Variants in PRELID2 observed in about 807,000 individuals in gnomAD.
PRELID2 encodes the protein PRELI domain-containing protein 2.
A neutral mutation model predicts 28.4 loss-of-function variants in PRELID2; 25 were observed. That is an observed-to-expected ratio of 0.88 (90% CI 0.64 to 1.23). PRELID2 has a LOEUF of 1.23. Among genes scored for constraint, PRELID2 ranks in the 50% most tolerant of loss-of-function variants. The pLI, the probability that PRELID2 is intolerant of heterozygous loss-of-function variation, is 0.00. For missense variants in PRELID2, 201 were observed against 214.4 expected, an observed-to-expected ratio of 0.94 and a Z score of 0.39; for synonymous variants, 76 against 71.6, an observed-to-expected ratio of 1.06 and a Z score of -0.31.
intron 4 of PRELID2, among the ~76,000 whole-genome samples, chr5:145,811,613 C>G (rs563855058): frequency 3.3e-5 from 5 of 152,286 alleles, no homozygotes; most frequent in African/African-American, 1.2e-4. Context: ...CAGATGCCTA[C>G]TCAGTTACTG....
intron 5 of PRELID2, among the ~76,000 whole-genome samples, chr5:145,777,976 G>C (rs1368525182): frequency 1.3e-5 from 2 of 152,184 alleles, no homozygotes; most frequent in African/African-American, 2.4e-5. Context: ...CAGGTTCCTG[G>C]ACGGAAGGGA....
intron 1 of PRELID2, among the ~76,000 whole-genome samples, chr5:145,600,426 A>AT (rs1215331849): frequency 5.5e-4 from 64 of 116,688 alleles, no homozygotes; most frequent in South Asian, 7.2e-4. Context: ...GGGGGAAAAA[A>AT]AAAAAAAAAT....
At chr5:145,745,610 C>T (rs1365845448) in intron 1 of PRELID2, among the ~76,000 whole-genome samples, 1 of 152,046 alleles carries the variant, frequency 6.6e-6, no homozygotes, top group Non-Finnish European at 1.5e-5. Flanking sequence ...GTCTGTAATC[C>T]CAGCACTTTG....
At chr5:145,359,844 T>A in the PRELID2 span, among the ~76,000 whole-genome samples, 2 of 152,318 alleles carry the variant, frequency 1.3e-5, no homozygotes, top group African/African-American at 4.8e-5. Context: ...AACACTCTAC[T>A]ACCAAGCCCT....
chr5:145,543,415 T>C (rs1292426284), intron 1 of PRELID2, among the ~76,000 whole-genome samples: 1 of 152,160 alleles, frequency 6.6e-6, no homozygotes, highest in East Asian at 1.9e-4. Context: ...CAATATATTA[T>C]ACATGGATTT....
At chr5:145,412,308 A>G in the PRELID2 span, among the ~76,000 whole-genome samples, 5 of 152,152 alleles carry the variant, frequency 3.3e-5, no homozygotes, top group African/African-American at 1.2e-4. Context: ...AAATTCTTTT[A>G]CCAGATACCC....
chr5:145,764,836 G>T, intron 6 of PRELID2, 95 bp downstream of exon 6: 3 of 827,316 alleles, frequency 3.6e-6, no homozygotes, highest in Non-Finnish European at 6.2e-6. Context: ...AATGTGCAGC[G>T]TGAATAGCCC....
At chr5:145,326,402 T>C in the PRELID2 span, among the ~76,000 whole-genome samples, 4 of 152,164 alleles carry the variant, frequency 2.6e-5, no homozygotes, top group Admixed American at 2.6e-4. Context: ...AAGCTGATAC[T>C]AGAATTCATA....
At chr5:145,269,736 T>C in the PRELID2 span, among the ~76,000 whole-genome samples, 1 of 149,990 alleles carries the variant, frequency 6.7e-6, no homozygotes, top group Admixed American at 6.7e-5. Context: ...TGTATATATA[T>C]AATTAATTTA....
chr5:145,250,710 T>C, the PRELID2 span, among the ~76,000 whole-genome samples: 22 of 152,204 alleles, frequency 1.4e-4, no homozygotes, highest in Admixed American at 1.3e-4. Context: ...GGTAATGACA[T>C]TGGGATATTT....
chr5:145,376,986 T>C, the PRELID2 span, among the ~76,000 whole-genome samples: 2 of 152,104 alleles, frequency 1.3e-5, no homozygotes, highest in Admixed American at 6.6e-5. Context: ...ATTAGGTTGT[T>C]AATGTGAGAT....
chr5:145,703,037 A>G (rs1256252823), intron 1 of PRELID2, among the ~76,000 whole-genome samples: 1 of 152,212 alleles, frequency 6.6e-6, no homozygotes. Flanking sequence ...TAGACATGCA[A>G]ACAGAAAGCT....
At chr5:145,552,425 C>G (rs1223890378) in intron 1 of PRELID2, among the ~76,000 whole-genome samples, 1 of 152,018 alleles carries the variant, frequency 6.6e-6, no homozygotes, top group Non-Finnish European at 1.5e-5. Flanking sequence ...CTACAGTTGA[C>G]TTTTAGGGAT....
chr5:145,808,883 CA>C (rs946167285), intron 4 of PRELID2, among the ~76,000 whole-genome samples: 3 of 118,134 alleles, frequency 2.5e-5, no homozygotes, highest in African/African-American at 7.7e-5. Context: ...CCCTGTCTTA[CA>C]AAAAAAAGGA....
intron 1 of PRELID2, among the ~76,000 whole-genome samples, chr5:145,704,719 C>A (rs964875961): frequency 5.9e-5 from 9 of 152,160 alleles, no homozygotes; most frequent in Non-Finnish European, 1.3e-4. Context: ...GGAGTGAAAT[C>A]TTGAGAAAGT....
chr5:145,705,882 A>G (rs995165304), intron 1 of PRELID2, among the ~76,000 whole-genome samples: 1 of 151,928 alleles, frequency 6.6e-6, no homozygotes, highest in Non-Finnish European at 1.5e-5. Flanking sequence ...AAAAATATGA[A>G]GTATAAAATC....
the PRELID2 span, among the ~76,000 whole-genome samples, chr5:145,385,800 C>T: frequency 6.6e-6 from 1 of 152,128 alleles, no homozygotes; most frequent in East Asian, 1.9e-4. Context: ...AGGCCCAACT[C>T]AAATGCCACC....
intron 1 of PRELID2, among the ~76,000 whole-genome samples, chr5:145,579,218 G>C (rs1753087373): frequency 6.6e-6 from 1 of 152,074 alleles, no homozygotes; most frequent in Non-Finnish European, 1.5e-5. Context: ...TATATAACAT[G>C]ATTATTATGC....
intron 1 of PRELID2, among the ~76,000 whole-genome samples, chr5:145,562,089 T>A (rs1398223485): frequency 6.6e-6 from 1 of 152,244 alleles, no homozygotes; most frequent in African/African-American, 2.4e-5. Context: ...AGATCTCATT[T>A]TTTTAAAGTC....
Sources: gnomAD v4.1 joint callset for allele counts (sites outside exome capture counted in the v4.1 genomes callset) on GRCh38, gnomAD v4.1.1 for gene constraint, MANE v1.5 for transcripts, NCBI Gene and HGNC (gene_info 2026-07-23, HGNC 2026-07-21) for gene names.